Variants in OSBPL10 observed in about 807,000 individuals in gnomAD.
OSBPL10 encodes the protein oxysterol binding protein like 10, also known as oxysterol-binding protein-related protein 10.
OSBPL10 carries 49 observed loss-of-function variants against 81.7 expected under a neutral mutation model. The observed-to-expected ratio is 0.60, with a 90% CI of 0.48 to 0.76. The LOEUF is 0.76. Among genes scored for constraint, OSBPL10 ranks in the 30% least tolerant of loss-of-function variants. The pLI is 0.00. For missense variants in OSBPL10, 923 were observed against 987.8 expected, an observed-to-expected ratio of 0.93 and a Z score of 0.88; for synonymous variants, 419 against 383.6, an observed-to-expected ratio of 1.09 and a Z score of -1.08.
rs564566442 is a variant in OSBPL10 at position 32,066,989 on chromosome 3, G to A, written n.185+10407C>T. ...GGCCAGTTTTAGACAGCATGATAACGAGGCTCCTTCTGCTTTAACTCTTAT... is the reference window on the plus strand; with the variant it reads ...GGCCAGTTTTAGACAGCATGATAACAAGGCTCCTTCTGCTTTAACTCTTAT... On this transcript the variant is annotated intron_variant and non_coding_transcript_variant, in intron 1 of 3. Coordinates refer to the OSBPL10 transcript ENST00000479173. 9.2e-5 allele frequency among the ~76,000 whole-genome samples: 14 copies of A among 152,264 alleles called. No individual in the cohort carries two copies. In the East Asian group the frequency reaches 1.7e-3, roughly 19 times the overall value.
At chr3:31,794,655 T>A (rs1699139129) in intron 4 of OSBPL10, 1 of 317,906 alleles carries the variant, frequency 3.1e-6, no homozygotes, top group Admixed American at 3.6e-5. Flanking sequence ...GAGTGAAAGA[T>A]GAAGAGGCAC....
At chr3:31,814,450 G>T (rs1699781806) in intron 4 of OSBPL10, among the ~76,000 whole-genome samples, 1 of 152,160 alleles carries the variant, frequency 6.6e-6, no homozygotes, top group Admixed American at 6.5e-5. Context: ...TTTGGTCAGA[G>T]AGAACTGAGG....
intron 3 of OSBPL10, among the ~76,000 whole-genome samples, chr3:31,853,192 A>G (rs903132428): frequency 6.6e-6 from 1 of 152,238 alleles, no homozygotes; most frequent in African/African-American, 2.4e-5. Context: ...GTAGTCAGGC[A>G]TCAGCAACCT....
intron 7 of OSBPL10, 96 bp from the exon 8 acceptor site, chr3:31,684,210 A>G (rs1700734129): frequency 2.0e-6 from 3 of 1,482,246 alleles, no homozygotes; most frequent in South Asian, 1.3e-5. Context: ...AAGCAAATTC[A>G]TAACATCTCC....
chr3:31,717,820 C>T (rs571317697), intron 6 of OSBPL10, among the ~76,000 whole-genome samples: 2 of 152,280 alleles, frequency 1.3e-5, no homozygotes, highest in South Asian at 4.1e-4. Flanking sequence ...AAATGAGGCT[C>T]ACTATGTCCT....
At chr3:31,944,224 C>T (rs1054625571) in intron 1 of OSBPL10, among the ~76,000 whole-genome samples, 2 of 152,026 alleles carry the variant, frequency 1.3e-5, no homozygotes, top group African/African-American at 4.8e-5. Flanking sequence ...ATTGCTAAGG[C>T]TGTTGATAAA....
At position 31,737,137 on chromosome 3, in the gene OSBPL10, G is replaced by A. The variant is rs548441648; in HGVS notation, c.941-3726C>T. On this transcript the variant is annotated intron_variant, in intron 5 of 11. Coordinates refer to ENST00000396556, the MANE Select transcript of OSBPL10 (RefSeq NM_017784.5). ...AAGGAAAGTTGGCAATGCATGCTGG[G>A]GAACACAACTTTCTGTGGACCCTAT... Among the ~76,000 whole-genome samples, 47 of 152,268 alleles carry A rather than the reference G, an allele frequency of 3.1e-4. 1 individual carries two copies. Among genetic ancestry groups the A allele is most frequent in the African/African-American group, 1.1e-3 (44 of 41,554 alleles).
At chr3:31,677,784 C>T (rs1029356478) in intron 8 of OSBPL10, among the ~76,000 whole-genome samples, 15 of 152,130 alleles carry the variant, frequency 9.9e-5, no homozygotes, top group Non-Finnish European at 1.8e-4. Context: ...CAACGGCCAA[C>T]ATAAGACAGA....
chr3:31,731,783 G>A (rs1468928862), intron 6 of OSBPL10, among the ~76,000 whole-genome samples: 1 of 152,136 alleles, frequency 6.6e-6, no homozygotes, highest in Non-Finnish European at 1.5e-5. Context: ...CACTGCGCCC[G>A]GCCAGGAGTT....
intron 4 of OSBPL10, among the ~76,000 whole-genome samples, chr3:31,763,335 T>C (rs1698109651): frequency 6.6e-6 from 1 of 152,198 alleles, no homozygotes; most frequent in Non-Finnish European, 1.5e-5. Flanking sequence ...GGATAGTAGA[T>C]CAGTTTTTTT....
chr3:32,072,977 C>G (rs549937083), intron 1 of OSBPL10, among the ~76,000 whole-genome samples: 4 of 152,098 alleles, frequency 2.6e-5, no homozygotes, highest in Non-Finnish European at 5.9e-5. Flanking sequence ...TTCAGTGGAA[C>G]CTTCATACCC....
At chr3:31,665,686 G>A (rs1575461423) in intron 10 of OSBPL10, among the ~76,000 whole-genome samples, 1 of 152,336 alleles carries the variant, frequency 6.6e-6, no homozygotes, top group Middle Eastern at 3.4e-3. Flanking sequence ...TGATTTAAGA[G>A]GAAAGACTCG....
At chr3:32,069,428 G>A (rs928761696) in intron 1 of OSBPL10, among the ~76,000 whole-genome samples, 1 of 152,076 alleles carries the variant, frequency 6.6e-6, no homozygotes, top group Admixed American at 6.6e-5. Flanking sequence ...TTCCTGCCTA[G>A]TTGAAGGGCT....
At chr3:31,783,861 A>ATATATATAT (rs1553625220) in intron 4 of OSBPL10, among the ~76,000 whole-genome samples, 2 of 89,962 alleles carry the variant, frequency 2.2e-5, no homozygotes, top group Non-Finnish European at 4.9e-5. Flanking sequence ...TATATATATG[A>ATATATATAT]ATGAATAAAT....
intron 4 of OSBPL10, among the ~76,000 whole-genome samples, chr3:31,806,606 C>T (rs1166165341): frequency 1.3e-5 from 2 of 152,158 alleles, no homozygotes; most frequent in African/African-American, 4.8e-5. Context: ...GTGTGGGACA[C>T]AGGCAATGAG....
intron 1 of OSBPL10, among the ~76,000 whole-genome samples, chr3:31,888,117 A>G (rs1162606103): frequency 3.3e-5 from 5 of 152,210 alleles, no homozygotes; most frequent in African/African-American, 1.2e-4. Flanking sequence ...TACTGGCACA[A>G]AAAAGAGACA....
chr3:31,792,098 G>A (rs747201177), intron 4 of OSBPL10, among the ~76,000 whole-genome samples: 6 of 151,826 alleles, frequency 4.0e-5, no homozygotes, highest in African/African-American at 1.5e-4. Context: ...GTGTGGTGGC[G>A]CACATCTGCG....
chr3:31,678,207 T>G (rs1050684687), intron 8 of OSBPL10, among the ~76,000 whole-genome samples: 1 of 151,966 alleles, frequency 6.6e-6, no homozygotes, highest in Non-Finnish European at 1.5e-5. Context: ...GGAGGCCATG[T>G]GCTGTGCTGG....
chr3:31,713,959 T>C (rs1249037350), intron 6 of OSBPL10: 1 of 152,248 alleles, frequency 6.6e-6, no homozygotes, highest in African/African-American at 2.4e-5. Context: ...CACTGACTTA[T>C]TCGTTGCATA....
Sources: gnomAD v4.1 joint callset for allele counts (sites outside exome capture counted in the v4.1 genomes callset) on GRCh38, gnomAD v4.1.1 for gene constraint, MANE v1.5 for transcripts, NCBI Gene and HGNC (gene_info 2026-07-23, HGNC 2026-07-21) for gene names.